The following MYH10 variants were observed in gnomAD, a reference collection of about 807,000 sequenced individuals.
The protein encoded by MYH10 is myosin heavy chain 10.
A neutral mutation model predicts 257.8 loss-of-function variants in MYH10; 55 were observed. The ratio of observed to expected loss-of-function variants is 0.21; its 90% CI spans 0.17 to 0.27. The LOEUF (loss-of-function observed/expected upper bound fraction) is 0.27, where lower values mean the gene tolerates loss of function less well. Among genes scored for constraint, MYH10 ranks in the 10% least tolerant of loss-of-function variants. The pLI is 1.00. For missense variants in MYH10, 1,631 were observed against 2,500.6 expected (o/e 0.65, Z 7.42); for synonymous variants, 854 against 921.7 (o/e 0.93, Z 1.33).
chr17:8,483,003 C>T (rs1448645675), intron 37 of MYH10, among the ~76,000 whole-genome samples: 4 of 152,184 alleles, frequency 2.6e-5, no homozygotes, highest in Admixed American at 2.0e-4. Flanking sequence ...TGTTCTAGGT[C>T]CCAGAGCTCT....
In MYH10 at chr17:8,492,268, G is replaced by A. The variant is rs776167769; in HGVS notation, c.4671+29C>T. Reference sequence around the variant, plus strand: ...AGGCCCCTGGGATACTCTCCCGTGCGGAAGTGTGGAGCCCACCAGGCGACT... The same window carrying A: ...AGGCCCCTGGGATACTCTCCCGTGCAGAAGTGTGGAGCCCACCAGGCGACT... On this transcript the variant is annotated intron_variant, in intron 34 of 42. Transcript: ENST00000360416. The A allele has an allele frequency of 5.4e-5, 86 of 1,602,864 alleles. No homozygotes were observed. The South Asian group carries it at 7.9e-4, about 15-fold the overall frequency.
chr17:8,610,270 G>GAAAAAAAAAA (rs1567977649), intron 2 of MYH10, among the ~76,000 whole-genome samples: 1 of 8,024 alleles, frequency 1.2e-4, no homozygotes, highest in African/African-American at 2.8e-3. Flanking sequence ...CCATAGGATT[G>GAAAAAAAAAA]CAAAAAAAAA....
chr17:8,544,853 AT>A (rs1219536276), intron 13 of MYH10, among the ~76,000 whole-genome samples: 8 of 152,106 alleles, frequency 5.3e-5, no homozygotes, highest in Admixed American at 5.2e-4. Flanking sequence ...AGTGAAATCT[AT>A]TGTTAAACCC....
At chr17:8,553,897 G>A in intron 8 of MYH10, 58 bp downstream of exon 8, 5 of 1,414,604 alleles carry the variant, frequency 3.5e-6, no homozygotes, top group Non-Finnish European at 5.0e-6. Flanking sequence ...TTGCCATGGG[G>A]TTGTAGGAAG....
At chr17:8,515,973 C>A (rs913603465) in intron 21 of MYH10, among the ~76,000 whole-genome samples, 4 of 152,242 alleles carry the variant, frequency 2.6e-5, no homozygotes, top group African/African-American at 7.2e-5. Flanking sequence ...TACAAATTCA[C>A]CCAATCTTCT....
rs56847654 is a variant in MYH10 at position 8,548,916 on chromosome 17, GTT to G, written c.920-131_920-130del. 913 of 658,338 alleles carry G rather than the reference GTT, an allele frequency of 1.4e-3. 5 individuals are homozygous for G. In the African/African-American group the frequency reaches 0.016, roughly 11 times the overall value. The allele number at this position is 658,338 out of a possible 1,614,324, so 40.8% of individuals were successfully genotyped here. On this transcript the variant is annotated intron_variant, in intron 9 of 42. Coordinates refer to ENST00000360416, the MANE Select transcript of MYH10 (RefSeq NM_001256012.3). ...CCATGCAACCCATTGCCAGCAAAAT[GTT>G]TTTTTTCTTTATATATTCATGTAAA...
chr17:8,484,102 A>C (rs770088167), intron 37 of MYH10, 36 bp downstream of exon 37: 2 of 1,470,768 alleles, frequency 1.4e-6, no homozygotes, highest in South Asian at 2.6e-5. Flanking sequence ...AAGGGCAAAT[A>C]TATTTGTTGA....
Position 8,476,087 on chromosome 17 carries a change from C to T in MYH10, c.5880-139G>A, listed in dbSNP as rs142308366. On this transcript the variant is annotated intron_variant, in intron 42 of 42. Transcript: ENST00000360416. ...ACACGACCTTGTGGGGGTGGCGGTA[C>T]GATGGGGAAGGACTGCGTGCTTTTC... is the stretch of plus-strand genomic sequence containing the variant. 229 of 1,005,854 alleles carry T rather than the reference C, an allele frequency of 2.3e-4. 2 individuals are homozygous for T. In the East Asian group the frequency reaches 5.7e-3, roughly 25 times the overall value. 62.3% of individuals were successfully genotyped at this position (1,005,854 alleles called of 1,614,324 possible). A position where few individuals can be genotyped will look rare whatever the true frequency, so the allele number is the denominator to read the frequency against.
Position 8,493,737 on chromosome 17 carries a change from G to T in MYH10, c.4205C>A (p.Ser1402Tyr). The change falls in exon 32 of 43, where the codon TCC (serine) becomes TAC (tyrosine). Residue 1402 changes from serine to tyrosine, a missense_variant. Around this residue, in one of 11 missense-constraint regions of MYH10, gnomAD observed 463 missense variants for 621.8 expected, o/e 0.74. Coordinates refer to ENST00000360416, the MANE Select transcript of MYH10 (RefSeq NM_001256012.3). ...CCTCCTAAAGAGGACGCACACCTGGGACTGCAGGGCCAGCACTTGCTTCTC... is the reference window on the plus strand; with the variant it reads ...CCTCCTAAAGAGGACGCACACCTGGTACTGCAGGGCCAGCACTTGCTTCTC... Reference protein sequence around the residue: ...NLEKQVLALQSQLADTKKKVD... With the variant: ...NLEKQVLALQYQLADTKKKVD... 1 of 1,613,018 alleles carries T rather than the reference G, an allele frequency of 6.2e-7. No individual in the cohort carries two copies. Among genetic ancestry groups the T allele is most frequent in the South Asian group, 1.1e-5 (1 of 90,934 alleles).
Position 8,546,579 on chromosome 17 carries a change from G to T in MYH10, c.1243C>A (p.Arg415=). ...GTCTGGGCTTTTTGCACATAGTCTCGGCCGACCTTGATCCGGGGAGTCAGG... is the reference window on the plus strand; with the variant it reads ...GTCTGGGCTTTTTGCACATAGTCTCTGCCGACCTTGATCCGGGGAGTCAGG... ...AILTPRIKVG[R]DYVQKAQTKE... The change falls in exon 12 of 43, where the codon CGA becomes AGA. Residue 415 remains arginine, a synonymous_variant. Coordinates refer to ENST00000360416, the MANE Select transcript of MYH10 (RefSeq NM_001256012.3). The T allele has an allele frequency of 6.2e-7, 1 of 1,613,808 alleles. No homozygotes were observed. Among genetic ancestry groups the T allele is most frequent in the Non-Finnish European group, 8.5e-7 (1 of 1,179,924 alleles).
rs988042566 is a variant in MYH10 at position 8,552,537 on chromosome 17, T to G, written c.821-393A>C. 6.6e-6 allele frequency among the ~76,000 whole-genome samples: 1 copy of G among 152,166 alleles called. No homozygotes were observed. The highest frequency in any genetic ancestry group is 1.5e-5 in the Non-Finnish European group (1 of 68,014). ...CAGGAGAAGCTCTATAATACCAGATTAACACAATTTTATAAATAAGGAAGC... is the reference window on the plus strand; with the variant it reads ...CAGGAGAAGCTCTATAATACCAGATGAACACAATTTTATAAATAAGGAAGC... On this transcript the variant is annotated intron_variant, in intron 8 of 42. Transcript: ENST00000360416. The surrounding 1 kb of genome is among the most constrained non-coding windows in gnomAD (Gnocchi z 4.8).
chr17:8,627,752 G>T (rs1265816352), intron 1 of MYH10, among the ~76,000 whole-genome samples: 1 of 152,184 alleles, frequency 6.6e-6, no homozygotes, highest in African/African-American at 2.4e-5. Context: ...TTTTAAAACA[G>T]CAGATACCAT....
At chr17:8,496,384 TG>T (rs1385540563) in intron 30 of MYH10, among the ~76,000 whole-genome samples, 2 of 152,212 alleles carry the variant, frequency 1.3e-5, no homozygotes, top group African/African-American at 4.8e-5. Flanking sequence ...AACAGTGTGG[TG>T]GGGAAGGGCT....
intron 35 of MYH10, among the ~76,000 whole-genome samples, chr17:8,489,209 C>A (rs563413561): frequency 3.9e-5 from 6 of 152,108 alleles, no homozygotes; most frequent in African/African-American, 1.4e-4. Flanking sequence ...GTCAGGCCTT[C>A]GAATTATGCA....
intron 7 of MYH10, among the ~76,000 whole-genome samples, chr17:8,563,569 G>C (rs1386499228): frequency 6.6e-6 from 1 of 152,336 alleles, no homozygotes. Context: ...CCAGTGATCT[G>C]GAAGATGCTG....
At chr17:8,529,387 C>A (rs1241910583) in intron 17 of MYH10, among the ~76,000 whole-genome samples, 4 of 152,210 alleles carry the variant, frequency 2.6e-5, no homozygotes, top group Admixed American at 2.6e-4. Context: ...AAAGGGAATT[C>A]ATCTAAAGAG....
chr17:8,523,423 G>A (rs2081724615), intron 17 of MYH10, among the ~76,000 whole-genome samples: 1 of 152,238 alleles, frequency 6.6e-6, no homozygotes. Flanking sequence ...GGATGCCATA[G>A]GAGAAATGAG....
intron 21 of MYH10, among the ~76,000 whole-genome samples, chr17:8,515,533 CTTTTTTTTTT>C (rs562174128): frequency 9.7e-4 from 84 of 86,892 alleles, no homozygotes; most frequent in African/African-American, 3.5e-3. Context: ...TTAGCCAAGT[CTTTTTTTTTT>C]TTTTTTTTTT....
intron 7 of MYH10, among the ~76,000 whole-genome samples, chr17:8,555,076 C>T (rs2082748513): frequency 6.6e-6 from 1 of 151,850 alleles, no homozygotes; most frequent in Non-Finnish European, 1.5e-5. Context: ...TGCACTCCAG[C>T]CTGGTGACAG....
Sources: gnomAD v4.1 joint callset for allele counts (sites outside exome capture counted in the v4.1 genomes callset) on GRCh38, gnomAD v4.1.1 for gene constraint, gnomAD v4.1.1 regional missense constraint, Gnocchi (gnomAD v3.1) non-coding constraint, MANE v1.5 for transcripts, NCBI Gene and HGNC (gene_info 2026-07-23, HGNC 2026-07-21) for gene names.